LANCL1: variants seen among roughly 807,000 people sequenced by gnomAD.
LANCL1 encodes LanC like glutathione S-transferase 1.
A neutral mutation model predicts 50.6 loss-of-function variants in LANCL1; 50 were observed. That is an observed-to-expected ratio of 0.99 (90% CI 0.79 to 1.25). The LOEUF (loss-of-function observed/expected upper bound fraction) is 1.25, where lower values mean the gene tolerates loss of function less well. Ranked by LOEUF, LANCL1 falls within the 50% of genes most tolerant of loss-of-function variation. The pLI is 0.00. For missense variants in LANCL1, 532 were observed against 480.7 expected (o/e 1.11, Z -1.00); for synonymous variants, 188 against 178.6 (o/e 1.05, Z -0.42).
intron 4 of LANCL1, among the ~76,000 whole-genome samples, chr2:210,452,541 C>T (rs1268734568): frequency 6.6e-6 from 1 of 152,148 alleles, no homozygotes; most frequent in Non-Finnish European, 1.5e-5. Context: ...TGAACATACA[C>T]ACACACACCC....
intron 6 of LANCL1, 86 bp downstream of exon 6, chr2:210,440,512 C>T: frequency 7.7e-7 from 1 of 1,299,290 alleles, no homozygotes; most frequent in Non-Finnish European, 1.1e-6. Context: ...GAATGACAAA[C>T]TAGAACTAGA....
At chr2:210,450,818 A>T (rs1693489810) in intron 4 of LANCL1, among the ~76,000 whole-genome samples, 1 of 152,238 alleles carries the variant, frequency 6.6e-6, no homozygotes, top group Non-Finnish European at 1.5e-5. Flanking sequence ...ATCATTAAAA[A>T]GTTAGGAAAC....
chr2:210,455,317 G>GTA lies in LANCL1; in HGVS notation c.200-4_200-3insTA. The GTA allele has an allele frequency of 7.0e-7, 1 of 1,420,778 alleles. No individual in the cohort carries two copies. The highest frequency in any genetic ancestry group is 9.5e-7 in the Non-Finnish European group (1 of 1,053,586). 88.0% of individuals were successfully genotyped at this position (1,420,778 alleles called of 1,614,324 possible). A position where few individuals can be genotyped will look rare whatever the true frequency, so the allele number is the denominator to read the frequency against. ...ATGTAAGTAAAGCACAGCAATACCT[G>GTA]AAAAAAAAAAAAGGAAACAATGTAA... On this transcript the variant is annotated splice_region_variant and splice_polypyrimidine_tract_variant and intron_variant, in intron 3 of 9. Coordinates refer to ENST00000450366, the MANE Select transcript of LANCL1 (RefSeq NM_006055.3).
chr2:210,461,926 G>A (rs1430773434), intron 3 of LANCL1, among the ~76,000 whole-genome samples: 1 of 152,152 alleles, frequency 6.6e-6, no homozygotes, highest in Non-Finnish European at 1.5e-5. Flanking sequence ...GCAAGGGAAG[G>A]AATCTTTTTG....
At chr2:210,463,528 G>C (rs757047505) in intron 3 of LANCL1, among the ~76,000 whole-genome samples, 9 of 152,196 alleles carry the variant, frequency 5.9e-5, no homozygotes, top group Non-Finnish European at 1.2e-4. Flanking sequence ...CACGAAGAGT[G>C]TTTTAATCTT....
chr2:210,476,464 A>G, intron 1 of LANCL1, 52 bp from the exon 2 acceptor site: 2 of 1,474,038 alleles, frequency 1.4e-6, no homozygotes, highest in Middle Eastern at 2.4e-4. Flanking sequence ...GCCTCGGCCG[A>G]GTTGCGAGGG....
intron 4 of LANCL1, among the ~76,000 whole-genome samples, chr2:210,444,846 T>C (rs1270342411): frequency 6.6e-6 from 1 of 151,970 alleles, no homozygotes; most frequent in East Asian, 1.9e-4. Context: ...CGATACCATA[T>C]ATATCTACAC....
chr2:210,443,341 C>A lies in LANCL1; in HGVS notation c.408-1898G>T, dbSNP rs561617607. Among the ~76,000 whole-genome samples, 80 of 152,264 alleles carry A rather than the reference C, an allele frequency of 5.3e-4. 1 individual carries two copies. The East Asian group carries it at 0.013, about 24-fold the overall frequency. The stretch of plus-strand genomic sequence containing the variant: ...TGTCACATGAAATTTTGAAGTGCAT[C>A]TCAATCATCCCTAAATTAGCCTATA... On this transcript the variant is annotated intron_variant, in intron 4 of 9. Coordinates refer to ENST00000450366, the MANE Select transcript of LANCL1 (RefSeq NM_006055.3).
upstream of LANCL1, chr2:210,477,552 G>C: frequency 1.2e-5 from 16 of 1,386,404 alleles, no homozygotes; most frequent in Non-Finnish European, 1.5e-5. Flanking sequence ...TCAATGAAGA[G>C]TCCTAGCTCC....
At chr2:210,445,938 G>GA (rs892323168) in intron 4 of LANCL1, among the ~76,000 whole-genome samples, 39 of 152,200 alleles carry the variant, frequency 2.6e-4, no homozygotes, top group East Asian at 7.7e-4. Flanking sequence ...GGGCATTTCT[G>GA]AAAAAAAGGC....
Position 210,455,090 on chromosome 2 carries a change from T to C in LANCL1, c.407+17A>G, listed in dbSNP as rs749828474. On this transcript the variant is annotated intron_variant, in intron 4 of 9. Transcript: ENST00000450366. ...TAATGATGCTAGAAAATAATCCTCA[T>C]ATAGAAACATGATTACCGTGTGATG... 11 of 1,596,984 alleles carry C rather than the reference T, an allele frequency of 6.9e-6. No homozygotes were observed. The South Asian group carries it at 1.1e-4, about 16-fold the overall frequency.
chr2:210,438,410 C>A (rs1367969466), intron 6 of LANCL1, among the ~76,000 whole-genome samples: 2 of 152,190 alleles, frequency 1.3e-5, no homozygotes, highest in African/African-American at 4.8e-5. Context: ...GCTGGGATAA[C>A]AGGCATGAGC....
In LANCL1 at chr2:210,433,645, T is replaced by C. The variant is rs972617025; in HGVS notation, c.*842A>G. On this transcript the variant is annotated 3_prime_UTR_variant, in exon 10 of 10. Transcript: ENST00000450366. ...GAAATCCTAGGTTAAAGCATATTCATACATAGAAAATTGGCTTCCTGATCT... is the reference window on the plus strand; with the variant it reads ...GAAATCCTAGGTTAAAGCATATTCACACATAGAAAATTGGCTTCCTGATCT... 6 of 152,174 alleles carry C rather than the reference T, an allele frequency of 3.9e-5. No individual in the cohort carries two copies. Among genetic ancestry groups the C allele is most frequent in the Non-Finnish European group, 8.8e-5 (6 of 68,032 alleles). 9.4% of individuals were successfully genotyped at this position (152,174 alleles called of 1,614,324 possible).
At chr2:210,477,531 TC>T, upstream of LANCL1, 9 of 1,308,068 alleles carry the variant, frequency 6.9e-6, no homozygotes, top group Non-Finnish European at 8.7e-6. Context: ...TCCTTTTCCT[TC>T]TCTCCGGTTT....
chr2:210,461,231 C>T lies in LANCL1; in HGVS notation c.200-5917G>A, dbSNP rs139942246. ...ACAATTGCATTCATCTATCTAGTGG[C>T]CATTGTGAAGTGCTCTAATGAATCC... On this transcript the variant is annotated intron_variant, in intron 3 of 9. Coordinates refer to ENST00000450366, the MANE Select transcript of LANCL1 (RefSeq NM_006055.3). 1.4e-4 allele frequency among the ~76,000 whole-genome samples: 21 copies of T among 152,046 alleles called. No individual in the cohort carries two copies. In the East Asian group the frequency reaches 3.9e-3, roughly 28 times the overall value.
rs1694080999 is a variant in LANCL1 at position 210,466,943 on chromosome 2, C to T, written c.199+5016G>A. On this transcript the variant is annotated intron_variant, in intron 3 of 9. Coordinates refer to ENST00000450366, the MANE Select transcript of LANCL1 (RefSeq NM_006055.3). ...GATCATGAGAGAGATGTGGATATGGCAAAAAAAAAGGTGGGGGATGGGGAT... is the reference window on the plus strand; with the variant it reads ...GATCATGAGAGAGATGTGGATATGGTAAAAAAAAAGGTGGGGGATGGGGAT... Among the ~76,000 whole-genome samples the T allele has an allele frequency of 2.0e-5, 3 of 149,536 alleles. No individual in the cohort carries two copies. The South Asian group carries it at 6.3e-4, about 32-fold the overall frequency.
At position 210,455,169 on chromosome 2, in the gene LANCL1, T is replaced by C. The variant is rs758589739; in HGVS notation, c.345A>G (p.Ala115=). 4 of 1,613,702 alleles carry C rather than the reference T, an allele frequency of 2.5e-6. No homozygotes were observed. The Admixed American group carries it at 5.0e-5, about 20-fold the overall frequency. The part of the protein sequence containing the change: ...TFLCGDAGPL[A]VAAVLYHKMN... ...TCTTGTGATATAGCACAGCGGCCAC[T>C]GCCAGGGGGCCTGCATCCCCACAAA... The change falls in exon 4 of 10, where the codon GCA becomes GCG. Residue 115 remains alanine (A), a synonymous_variant. Transcript: ENST00000450366.
At chr2:210,461,573 A>G (rs1036231434) in intron 3 of LANCL1, among the ~76,000 whole-genome samples, 3 of 152,198 alleles carry the variant, frequency 2.0e-5, no homozygotes, top group African/African-American at 7.2e-5. Flanking sequence ...ACTTGCATTT[A>G]GAGTGCAAGT....
At position 210,455,226 on chromosome 2, in the gene LANCL1, C is replaced by G; in HGVS notation, c.288G>C (p.Leu96=). 6.2e-7 allele frequency: 1 copy of G among 1,612,746 alleles called. No individual in the cohort carries two copies. Among genetic ancestry groups the G allele is most frequent in the Non-Finnish European group, 8.5e-7 (1 of 1,179,716 alleles). The part of the protein sequence containing the change: ...QLAHGYVKQS[L]NCLTKRSITF... ...TGATGGAGCGCTTGGTTAAGCAGTT[C>G]AGACTTTGCTTTACATAGCCATGTG... is the stretch of plus-strand genomic sequence containing the variant. The change falls in exon 4 of 10, where the codon CTG becomes CTC. Residue 96 remains leucine, a synonymous_variant. Transcript: ENST00000450366.
Sources: allele counts gnomAD v4.1 joint callset (sites outside exome capture counted in the v4.1 genomes callset), GRCh38; gene constraint gnomAD v4.1.1; transcripts MANE v1.5; gene names NCBI Gene and HGNC (gene_info 2026-07-23, HGNC 2026-07-21).